ATP11A: variants seen among roughly 807,000 people sequenced by gnomAD.
ATP11A encodes ATPase phospholipid transporting 11A, also known as phospholipid-transporting ATPase IH.
A neutral mutation model predicts 154.4 loss-of-function variants in ATP11A; 81 were observed. That is an observed-to-expected ratio of 0.52 (90% CI 0.44 to 0.63). The LOEUF (loss-of-function observed/expected upper bound fraction) is 0.63. Among genes scored for constraint, ATP11A ranks in the 30% least tolerant of loss-of-function variants. The pLI is 0.00. For missense variants in ATP11A, 1,316 were observed against 1,474.3 expected (o/e 0.89, Z 1.76); for synonymous variants, 623 against 585.9 (o/e 1.06, Z -0.91).
chr13:112,785,257 G>C lies in ATP11A; in HGVS notation c.162G>C (p.Lys54Asn). The change falls in exon 2 of 30, where the codon AAG becomes AAC. Residue 54 changes from lysine (K) to asparagine (N), a missense_variant and splice_region_variant. Lys to Asn is a moderately conservative substitution (Grantham distance 94). Coordinates refer to ENST00000375645, the MANE Select transcript of ATP11A (RefSeq NM_015205.3). The surrounding 1 kb of genome is among the most constrained non-coding windows in gnomAD (Gnocchi z 4.8). ...CAGACAACAGGATCGTCTCGTCCAA[G>C]GTAACTTGGCTTGGGTCTGAGTGTC... ...RYPDNRIVSS[K>N]YTFWNFIPKN... 6 of 1,513,326 alleles carry C rather than the reference G, an allele frequency of 4.0e-6. No homozygotes were observed. Among genetic ancestry groups the C allele is most frequent in the Non-Finnish European group, 5.3e-6 (6 of 1,130,874 alleles). 93.7% of individuals were successfully genotyped at this position (1,513,326 alleles called of 1,614,324 possible).
At chr13:112,852,050 G>A (rs1399309276) in intron 18 of ATP11A, among the ~76,000 whole-genome samples, 1 of 152,178 alleles carries the variant, frequency 6.6e-6, no homozygotes, top group Non-Finnish European at 1.5e-5. Flanking sequence ...CTGCCAGTGT[G>A]CCCCAGCTCC....
At chr13:112,703,861 G>A (rs1309609334) in intron 1 of ATP11A, among the ~76,000 whole-genome samples, 3 of 152,296 alleles carry the variant, frequency 2.0e-5, no homozygotes, top group Non-Finnish European at 4.4e-5. Flanking sequence ...TGACAAGACA[G>A]ATGTTAGGGT....
chr13:112,781,105 A>G (rs536910650), intron 1 of ATP11A, among the ~76,000 whole-genome samples: 1 of 152,236 alleles, frequency 6.6e-6, no homozygotes, highest in South Asian at 2.1e-4. Flanking sequence ...CAGAGGCGCC[A>G]TCTTGTCACT....
rs752416260 is a variant in ATP11A, at chr13:112,831,337, C to T, written c.1222-38C>T. Reference sequence around the variant, plus strand: ...GTCTGAGTCGGGGACGTGCGGGCCTCCCTCAGAGCGCCCTGACTTGCTGTG... The same window carrying T: ...GTCTGAGTCGGGGACGTGCGGGCCTTCCTCAGAGCGCCCTGACTTGCTGTG... On this transcript the variant is annotated intron_variant, in intron 12 of 29. Coordinates refer to ENST00000375645, the MANE Select transcript of ATP11A (RefSeq NM_015205.3). The T allele has an allele frequency of 3.7e-6, 6 of 1,601,246 alleles. No homozygotes were observed. The South Asian group carries it at 6.7e-5, about 18-fold the overall frequency.
intron 8 of ATP11A, 55 bp from the exon 9 acceptor site, chr13:112,823,290 G>T (rs990691537): frequency 7.1e-7 from 1 of 1,407,764 alleles, no homozygotes; most frequent in South Asian, 1.2e-5. Flanking sequence ...CTTGCCCCCC[G>T]CCCTGCCCAC....
chr13:112,736,609 G>A (rs1465603138), intron 1 of ATP11A, among the ~76,000 whole-genome samples: 2 of 152,178 alleles, frequency 1.3e-5, no homozygotes, highest in Non-Finnish European at 2.9e-5. Flanking sequence ...TAAAATGTGT[G>A]TTGTTTCCAG....
intron 16 of ATP11A, among the ~76,000 whole-genome samples, chr13:112,837,085 G>A (rs977092053): frequency 5.9e-5 from 9 of 152,198 alleles, no homozygotes; most frequent in African/African-American, 1.9e-4. Context: ...AGGCTTGAAC[G>A]TGCAGGCGCC....
chr13:112,880,615 C>G (rs956439768), intron 29 of ATP11A: 9 of 1,298,380 alleles, frequency 6.9e-6, no homozygotes, highest in African/African-American at 1.5e-5. Context: ...GAAGGACCTC[C>G]TACGGCGGCC....
intron 1 of ATP11A, among the ~76,000 whole-genome samples, chr13:112,767,394 C>T (rs111480497): frequency 1.1e-3 from 10 of 9,110 alleles, no homozygotes; most frequent in East Asian, 7.9e-3. Flanking sequence ...GATGTGGGGG[C>T]GTTGGGGGCC....
chr13:112,833,987 C>T (rs984169671), intron 14 of ATP11A, among the ~76,000 whole-genome samples: 4 of 152,256 alleles, frequency 2.6e-5, no homozygotes, highest in Admixed American at 1.3e-4. Context: ...GTCTGTCTCC[C>T]GGGTCCTCTG....
At chr13:112,789,951 T>G (rs1435420040) in intron 2 of ATP11A, among the ~76,000 whole-genome samples, 2 of 151,768 alleles carry the variant, frequency 1.3e-5, no homozygotes, top group Non-Finnish European at 2.9e-5. Context: ...TATGTATACC[T>G]ATTTAATTCA....
intron 6 of ATP11A, among the ~76,000 whole-genome samples, chr13:112,818,277 T>C (rs543461190): frequency 4.1e-5 from 6 of 147,644 alleles, no homozygotes; most frequent in African/African-American, 1.5e-4. Flanking sequence ...TGACCGTTGG[T>C]GCGCTTGGTG....
At chr13:112,714,214 C>A (rs933848816) in intron 1 of ATP11A, among the ~76,000 whole-genome samples, 24 of 150,344 alleles carry the variant, frequency 1.6e-4, no homozygotes, top group African/African-American at 5.9e-4. Flanking sequence ...CTTGCACCCG[C>A]TCTCTTTCCC....
rs201407372 is a variant in ATP11A, at chr13:112,819,895, G to T, written c.675-5G>T. On this transcript the variant is annotated splice_polypyrimidine_tract_variant and splice_region_variant and intron_variant, in intron 7 of 29. Transcript: ENST00000375645. ...CGGTCAGTAACGTGGCTTTTCTGTC[G>T]CCAGGTTCGTGGGTCGCATCAACGT... The T allele has an allele frequency of 3.1e-6, 5 of 1,614,014 alleles. No individual in the cohort carries two copies. Among genetic ancestry groups the T allele is most frequent in the Admixed American group, 1.7e-5 (1 of 59,992 alleles).
chr13:112,704,591 C>T (rs1294719184), intron 1 of ATP11A, among the ~76,000 whole-genome samples: 2 of 152,226 alleles, frequency 1.3e-5, no homozygotes, highest in Non-Finnish European at 2.9e-5. Context: ...GTCCCCCTCC[C>T]TCTGTACTTG....
intron 1 of ATP11A, among the ~76,000 whole-genome samples, chr13:112,699,482 C>T (rs901575334): frequency 1.3e-5 from 2 of 152,146 alleles, no homozygotes; most frequent in African/African-American, 2.4e-5. Flanking sequence ...AAATTTCCCC[C>T]GGCTGTGGCT....
intron 8 of ATP11A, among the ~76,000 whole-genome samples, chr13:112,820,177 ACT>A (rs1159757174): frequency 1.3e-5 from 2 of 151,962 alleles, no homozygotes; most frequent in Non-Finnish European, 2.9e-5. Context: ...TTCGCGCAAG[ACT>A]CTGCCGAGAG....
At chr13:112,842,217 A>C in intron 16 of ATP11A, 59 bp from the exon 17 acceptor site, 1 of 1,356,484 alleles carries the variant, frequency 7.4e-7, no homozygotes, top group Non-Finnish European at 1.0e-6. Flanking sequence ...CATAATTTTA[A>C]AAAATAATCT....
At chr13:112,702,992 C>G (rs935265878) in intron 1 of ATP11A, among the ~76,000 whole-genome samples, 1 of 152,222 alleles carries the variant, frequency 6.6e-6, no homozygotes, top group African/African-American at 2.4e-5. Context: ...CGACATGATT[C>G]TCTGAGATGC....
Sources: allele counts gnomAD v4.1 joint callset (sites outside exome capture counted in the v4.1 genomes callset), GRCh38; gene constraint gnomAD v4.1.1; non-coding constraint Gnocchi (gnomAD v3.1); transcripts MANE v1.5; gene names NCBI Gene and HGNC (gene_info 2026-07-23, HGNC 2026-07-21).